PDE4D: variants seen among roughly 807,000 people sequenced by gnomAD.
PDE4D encodes the protein phosphodiesterase 4D.
PDE4D carries 24 observed loss-of-function variants against 87.4 expected under a neutral mutation model. The observed-to-expected ratio is 0.27, with a 90% CI of 0.20 to 0.39. The LOEUF (loss-of-function observed/expected upper bound fraction) is 0.39, where lower values mean the gene tolerates loss of function less well. Ranked by LOEUF, PDE4D falls within the 10% of genes least tolerant of loss-of-function variation. The pLI, the probability that PDE4D is intolerant of heterozygous loss-of-function variation, is 1.00. For synonymous variants in PDE4D, 384 were observed against 383.2 expected, an observed-to-expected ratio of 1.00 and a Z score of -0.02; for missense variants, 714 against 1,041.0, an observed-to-expected ratio of 0.69 and a Z score of 4.32.
intron 6 of PDE4D, among the ~76,000 whole-genome samples, chr5:58,996,564 A>T (rs1271460389): frequency 6.6e-6 from 1 of 152,160 alleles, no homozygotes; most frequent in Non-Finnish European, 1.5e-5. Flanking sequence ...CCCTCCTTGC[A>T]CTTCTCTCAA....
intron 2 of PDE4D, among the ~76,000 whole-genome samples, chr5:60,100,017 T>C (rs961874825): frequency 1.3e-5 from 2 of 152,060 alleles, no homozygotes; most frequent in African/African-American, 4.8e-5. Flanking sequence ...GATAAGAATT[T>C]ATTTAAATAA....
At chr5:60,410,574 C>T (rs1000936855) in intron 1 of PDE4D, among the ~76,000 whole-genome samples, 3 of 152,228 alleles carry the variant, frequency 2.0e-5, no homozygotes, top group African/African-American at 7.2e-5. Flanking sequence ...CTTCTCCGCC[C>T]ATCTGGATGA....
rs1760108960 is a variant in PDE4D at position 59,749,446 on chromosome 5, T to G, written c.455+143722A>C. On this transcript the variant is annotated intron_variant, in intron 1 of 14. Coordinates refer to ENST00000340635, the MANE Select transcript of PDE4D (RefSeq NM_001104631.2). ...GCCTGGCTGATTTTTGTAATTTTAT[T>G]TGAGATGAGGTTTTGCCATGTTGGC... Among the ~76,000 whole-genome samples, 5 of 152,138 alleles carry G rather than the reference T, an allele frequency of 3.3e-5. No individual in the cohort carries two copies. The South Asian group carries it at 1.0e-3, about 31-fold the overall frequency.
chr5:59,697,624 A>G (rs1751971787), intron 1 of PDE4D, among the ~76,000 whole-genome samples: 1 of 152,220 alleles, frequency 6.6e-6, no homozygotes, highest in Admixed American at 6.5e-5. Context: ...GAGAGATAAA[A>G]TATCTTGACC....
At chr5:60,371,792 C>A (rs1761050948) in intron 1 of PDE4D, among the ~76,000 whole-genome samples, 1 of 152,184 alleles carries the variant, frequency 6.6e-6, no homozygotes, top group South Asian at 2.1e-4. Context: ...ATGCTTTGAT[C>A]AACATTTTAT....
intron 1 of PDE4D, chr5:59,586,569 G>A: frequency 7.3e-7 from 1 of 1,376,464 alleles, no homozygotes; most frequent in East Asian, 2.7e-5. Flanking sequence ...AGGCCTTCCA[G>A]GATTTGAAAA....
chr5:59,218,186 T>C (rs1367748300), intron 1 of PDE4D, among the ~76,000 whole-genome samples: 3 of 152,154 alleles, frequency 2.0e-5, no homozygotes, highest in Non-Finnish European at 4.4e-5. Flanking sequence ...CCTGTAGAAA[T>C]GTTTATGTTT....
chr5:59,116,133 A>G (rs755855604), intron 5 of PDE4D, among the ~76,000 whole-genome samples: 12 of 152,196 alleles, frequency 7.9e-5, no homozygotes, highest in Non-Finnish European at 1.6e-4. Flanking sequence ...ATCTTTGTCC[A>G]AATTCATTAG....
At chr5:59,047,091 G>A (rs1760833763) in intron 5 of PDE4D, among the ~76,000 whole-genome samples, 1 of 152,140 alleles carries the variant, frequency 6.6e-6, no homozygotes, top group South Asian at 2.1e-4. Flanking sequence ...TGCATTGATT[G>A]CCTAATAGAT....
rs75223671 is a variant in PDE4D, at chr5:60,310,742, C to T, written c.-89-125055G>A. On this transcript the variant is annotated intron_variant, in intron 1 of 16. Transcript: ENST00000502484. The stretch of plus-strand genomic sequence containing the variant: ...TTGCTCTACTTCTGACACACTTCTT[C>T]CTGAATCTTCCTTTATGGAATATTT... Among the ~76,000 whole-genome samples the T allele has an allele frequency of 2.3e-3, 346 of 152,346 alleles. 13 individuals are homozygous for T. In the East Asian group the frequency reaches 0.053, roughly 23 times the overall value.
chr5:59,320,645 C>T (rs976688623), intron 1 of PDE4D, among the ~76,000 whole-genome samples: 1 of 152,038 alleles, frequency 6.6e-6, no homozygotes, highest in African/African-American at 2.4e-5. Context: ...AAAATCATTT[C>T]ATGAATACAG....
chr5:60,274,023 G>A (rs1751100445), intron 1 of PDE4D, among the ~76,000 whole-genome samples: 1 of 152,102 alleles, frequency 6.6e-6, no homozygotes, highest in African/African-American at 2.4e-5. Context: ...ATCAGGAGAT[G>A]GTGAAAGGAT....
At chr5:59,877,401 C>T (rs1163167813) in intron 1 of PDE4D, among the ~76,000 whole-genome samples, 5 of 145,466 alleles carry the variant, frequency 3.4e-5, no homozygotes. Context: ...CATACATGTT[C>T]ATAAGTGCAG....
rs964028100 is a variant in PDE4D, at chr5:60,189,110, C to A, written c.-89-3423G>T. On this transcript the variant is annotated intron_variant, in intron 1 of 16. Transcript: ENST00000502484. ...CCAGGCGAGAGAACACTCACACGTG[C>A]AATTTCGTTACGATAGGAGTTTCCA... Among the ~76,000 whole-genome samples the A allele has an allele frequency of 7.9e-5, 12 of 152,152 alleles. No individual in the cohort carries two copies. The East Asian group carries it at 1.5e-3, about 20-fold the overall frequency.
chr5:59,940,195 A>T (rs1757031514), intron 3 of PDE4D, among the ~76,000 whole-genome samples: 1 of 152,156 alleles, frequency 6.6e-6, no homozygotes, highest in Non-Finnish European at 1.5e-5. Context: ...GCATGAAATG[A>T]GGTTTAGAGG....
rs1447720330 is a variant in PDE4D at position 59,863,405 on chromosome 5, GAC to G, written c.455+29761_455+29762del. ...ATTTTTTTTTCTAATTTAGGACTAA[GAC>G]AACATTTTAGAAGAAAAATGATTTT... On this transcript the variant is annotated intron_variant, in intron 1 of 14. Coordinates refer to ENST00000340635, the MANE Select transcript of PDE4D (RefSeq NM_001104631.2). Among the ~76,000 whole-genome samples, 7 of 151,792 alleles carry G rather than the reference GAC, an allele frequency of 4.6e-5. No individual in the cohort carries two copies. The East Asian group carries it at 1.2e-3, about 25-fold the overall frequency.
chr5:59,027,243 AG>A (rs1756407218), intron 6 of PDE4D, among the ~76,000 whole-genome samples: 1 of 152,236 alleles, frequency 6.6e-6, no homozygotes, highest in Non-Finnish European at 1.5e-5. Flanking sequence ...GGGAAACCAC[AG>A]ATTAAAAGTG....
chr5:59,957,551 T>A (rs1455435416), intron 3 of PDE4D, among the ~76,000 whole-genome samples: 1 of 152,064 alleles, frequency 6.6e-6, no homozygotes, highest in African/African-American at 2.4e-5. Context: ...TGGGAGTGGC[T>A]GTTGGTAGTA....
At chr5:60,013,665 T>G (rs572301098) in intron 2 of PDE4D, among the ~76,000 whole-genome samples, 1 of 152,358 alleles carries the variant, frequency 6.6e-6, no homozygotes, top group South Asian at 2.1e-4. Flanking sequence ...TGAGAGATTG[T>G]TATATGGGTG....
Sources: gnomAD v4.1 joint callset for allele counts (sites outside exome capture counted in the v4.1 genomes callset) on GRCh38, gnomAD v4.1.1 for gene constraint, MANE v1.5 for transcripts, NCBI Gene and HGNC (gene_info 2026-07-23, HGNC 2026-07-21) for gene names.